RGS7: variants seen among roughly 807,000 people sequenced by gnomAD.
The protein encoded by RGS7 is regulator of G protein signaling 7.
A neutral mutation model predicts 81.1 loss-of-function variants in RGS7; 27 were observed. The observed-to-expected ratio is 0.33, with a 90% CI of 0.25 to 0.46. RGS7 has a LOEUF of 0.46. RGS7 is among the 20% of genes least tolerant of loss of function. The pLI, the probability that RGS7 is intolerant of heterozygous loss-of-function variation, is 1.00. For synonymous variants in RGS7, 208 were observed against 207.7 expected (o/e 1.00, Z -0.01); for missense variants, 396 against 607.4 (o/e 0.65, Z 3.66).
chr1:240,997,741 G>A (rs908628887), intron 3 of RGS7, among the ~76,000 whole-genome samples: 9 of 152,168 alleles, frequency 5.9e-5, no homozygotes, highest in African/African-American at 1.2e-4. Flanking sequence ...GGAGAATCAC[G>A]TGAATCCAGG....
intron 18 of RGS7, among the ~76,000 whole-genome samples, chr1:240,789,712 C>A (rs1190376649): frequency 5.3e-5 from 8 of 152,244 alleles, no homozygotes; most frequent in East Asian, 3.9e-4. Flanking sequence ...GCTCTCAAAC[C>A]CTGTTTCCTG....
At chr1:241,177,118 A>C (rs1238915085) in intron 2 of RGS7, among the ~76,000 whole-genome samples, 1 of 152,234 alleles carries the variant, frequency 6.6e-6, no homozygotes, top group East Asian at 1.9e-4. Flanking sequence ...ATTCTAGGGC[A>C]GGAGGAAAGA....
At chr1:240,998,857 C>T in intron 3 of RGS7, 1 of 485,596 alleles carries the variant, frequency 2.1e-6, no homozygotes, top group Admixed American at 2.8e-5. Context: ...TTGGTGGCAG[C>T]TGAGGAAAGG....
At chr1:241,253,853 G>C (rs1337865714) in intron 2 of RGS7, among the ~76,000 whole-genome samples, 1 of 152,152 alleles carries the variant, frequency 6.6e-6, no homozygotes, top group East Asian at 1.9e-4. Flanking sequence ...AGAGCAGTCA[G>C]AGACAGACTA....
intron 2 of RGS7, among the ~76,000 whole-genome samples, chr1:241,307,280 A>C (rs1036998641): frequency 3.9e-5 from 6 of 152,202 alleles, no homozygotes; most frequent in Non-Finnish European, 8.8e-5. Context: ...TTTGAAGAAA[A>C]ACTTACTAAA....
At chr1:241,328,268 G>C (rs1056237320) in intron 2 of RGS7, among the ~76,000 whole-genome samples, 6 of 152,324 alleles carry the variant, frequency 3.9e-5, no homozygotes, top group African/African-American at 1.4e-4. Context: ...TAGTAACCTT[G>C]TTCCAATCAT....
At chr1:241,130,813 C>T (rs1436255672) in intron 2 of RGS7, among the ~76,000 whole-genome samples, 3 of 151,384 alleles carry the variant, frequency 2.0e-5, no homozygotes, top group Admixed American at 1.3e-4. Flanking sequence ...ATTTTTATAA[C>T]ATCCCTTTCA....
chr1:241,291,701 C>T (rs1051948443), intron 2 of RGS7, among the ~76,000 whole-genome samples: 1 of 151,572 alleles, frequency 6.6e-6, no homozygotes, highest in African/African-American at 2.4e-5. Context: ...GCCTCAGCCT[C>T]CCGAGTAGCT....
chr1:240,858,543 A>C (rs774888565), intron 9 of RGS7, among the ~76,000 whole-genome samples: 29 of 152,062 alleles, frequency 1.9e-4, no homozygotes, highest in Non-Finnish European at 3.1e-4. Context: ...GTCTGTTCAG[A>C]TCCTTTGTCC....
At chr1:241,108,077 A>C (rs2065243653) in intron 2 of RGS7, among the ~76,000 whole-genome samples, 2 of 148,960 alleles carry the variant, frequency 1.3e-5, no homozygotes, top group Non-Finnish European at 3.0e-5. Context: ...GGTGGATCAC[A>C]AGGTCAGGAG....
At chr1:241,002,088 A>G (rs1572207717) in intron 3 of RGS7, among the ~76,000 whole-genome samples, 1 of 152,272 alleles carries the variant, frequency 6.6e-6, no homozygotes, top group Non-Finnish European at 1.5e-5. Flanking sequence ...TAAGAGGTAT[A>G]CAGGAAATCT....
chr1:240,895,785 T>A (rs957342325), intron 6 of RGS7, among the ~76,000 whole-genome samples: 5 of 152,324 alleles, frequency 3.3e-5, no homozygotes, highest in Middle Eastern at 3.4e-3. Flanking sequence ...TGATTTATAA[T>A]CCTTTAGGTA....
chr1:241,149,203 G>T (rs999422226), intron 2 of RGS7, among the ~76,000 whole-genome samples: 1 of 152,104 alleles, frequency 6.6e-6, no homozygotes, highest in African/African-American at 2.4e-5. Flanking sequence ...TCTTGCTCTT[G>T]TTGCCCAGGC....
At chr1:241,093,081 T>G (rs1024976931) in intron 3 of RGS7, among the ~76,000 whole-genome samples, 1 of 152,178 alleles carries the variant, frequency 6.6e-6, no homozygotes, top group Non-Finnish European at 1.5e-5. Context: ...TAAAATACAT[T>G]TATTTTATTG....
chr1:241,290,589 A>C (rs1261256434), intron 2 of RGS7, among the ~76,000 whole-genome samples: 1 of 152,200 alleles, frequency 6.6e-6, no homozygotes, highest in Non-Finnish European at 1.5e-5. Context: ...ACTCGCCTAG[A>C]ATAATAAATG....
At chr1:241,102,745 C>G (rs370068639) in intron 2 of RGS7, among the ~76,000 whole-genome samples, 1 of 152,058 alleles carries the variant, frequency 6.6e-6, no homozygotes, top group South Asian at 2.1e-4. Flanking sequence ...CTGGGAAAAA[C>G]AGCCAAACAG....
intron 2 of RGS7, among the ~76,000 whole-genome samples, chr1:241,274,948 G>A (rs1243221160): frequency 6.6e-6 from 1 of 152,222 alleles, no homozygotes; most frequent in African/African-American, 2.4e-5. Flanking sequence ...AGGACGGACT[G>A]ATTATTCAAA....
intron 2 of RGS7, among the ~76,000 whole-genome samples, chr1:241,145,308 C>T (rs1249547283): frequency 6.6e-6 from 1 of 152,076 alleles, no homozygotes; most frequent in African/African-American, 2.4e-5. Context: ...GTTTTATATA[C>T]CTATTTGCTC....
At chr1:241,282,465 G>A (rs1020687228) in intron 2 of RGS7, among the ~76,000 whole-genome samples, 1 of 152,164 alleles carries the variant, frequency 6.6e-6, no homozygotes, top group African/African-American at 2.4e-5. Flanking sequence ...TTAGTTCTAA[G>A]AGTTTTTATG....
Sources: allele counts gnomAD v4.1 joint callset (sites outside exome capture counted in the v4.1 genomes callset), GRCh38; gene constraint gnomAD v4.1.1; transcripts MANE v1.5; gene names NCBI Gene and HGNC (gene_info 2026-07-23, HGNC 2026-07-21).